SRBD1: variants seen among roughly 807,000 people sequenced by gnomAD.
The protein encoded by SRBD1 is S1 RNA-binding domain-containing protein 1.
In SRBD1, 88 loss-of-function variants were observed where a neutral mutation model predicts 115.3. That is an observed-to-expected ratio of 0.76 (90% confidence interval 0.64 to 0.91). The LOEUF is 0.91. SRBD1 is among the 40% of genes least tolerant of loss of function. SRBD1 has a pLI of 0.00. For synonymous variants in SRBD1, 509 were observed against 407.7 expected, an observed-to-expected ratio of 1.25 and a Z score of -2.99; for missense variants, 1,385 against 1,177.4, an observed-to-expected ratio of 1.18 and a Z score of -2.58.
At chr2:45,467,559 G>T (rs372364958) in intron 16 of SRBD1, among the ~76,000 whole-genome samples, 1 of 152,114 alleles carries the variant, frequency 6.6e-6, no homozygotes, top group Non-Finnish European at 1.5e-5. Context: ...TGTCTAAAAT[G>T]ACCATGGGGG....
chr2:45,546,494 T>C (rs1434837573), intron 14 of SRBD1: 1 of 408,284 alleles, frequency 2.4e-6, no homozygotes, highest in Non-Finnish European at 3.3e-6. Context: ...AACTGAGCCC[T>C]AACGTGCTGC....
intron 16 of SRBD1, among the ~76,000 whole-genome samples, chr2:45,430,826 G>A (rs1668310116): frequency 6.6e-6 from 1 of 152,134 alleles, no homozygotes; most frequent in Non-Finnish European, 1.5e-5. Flanking sequence ...CTTCTGCACA[G>A]GAAAAGAAAC....
At chr2:45,485,445 C>A (rs1366540253) in intron 15 of SRBD1, among the ~76,000 whole-genome samples, 2 of 152,114 alleles carry the variant, frequency 1.3e-5, no homozygotes, top group Non-Finnish European at 2.9e-5. Context: ...TCTATCATGT[C>A]ATTTTAATCA....
chr2:45,605,255 G>C (rs768268010), intron 2 of SRBD1, 107 bp downstream of exon 2: 41 of 1,103,758 alleles, frequency 3.7e-5, no homozygotes, highest in Non-Finnish European at 4.9e-5. Flanking sequence ...AATAAAAAAA[G>C]TTTTTTCTAC....
chr2:45,596,530 T>C (rs973534874), intron 4 of SRBD1, among the ~76,000 whole-genome samples: 6 of 152,236 alleles, frequency 3.9e-5, no homozygotes, highest in African/African-American at 7.2e-5. Flanking sequence ...TTCTCAGTAA[T>C]TTCTCAGTAA....
Position 45,602,036 on chromosome 2 carries a change from G to A in SRBD1, c.128C>T (p.Pro43Leu). The change falls in exon 3 of 21, where the codon CCC (proline) becomes CTC (leucine). Residue 43 changes from proline to leucine, a missense_variant. Physicochemically the swap from Pro to Leu is moderately conservative, Grantham distance 98. Transcript: ENST00000263736. The part of the protein sequence containing the change: ...EDDKEDSAWE[P>L]QKKVPRSRKQ... ...ACGGCTTCTGGGAACTTTCTTTTGG[G>A]GCTCCCAGGCACTATCTTCCTTGTC... 1.2e-6 allele frequency: 2 copies of A among 1,614,048 alleles called. No homozygotes were observed. Among genetic ancestry groups the A allele is most frequent in the South Asian group, 1.1e-5 (1 of 91,052 alleles).
At chr2:45,609,009 G>A (rs916856796) in intron 1 of SRBD1, among the ~76,000 whole-genome samples, 3 of 151,962 alleles carry the variant, frequency 2.0e-5, no homozygotes, top group Non-Finnish European at 2.9e-5. Context: ...GGTTCGTCAC[G>A]TTGGCCAGGC....
In SRBD1 at chr2:45,546,722, A is replaced by G. The variant is rs372758395; in HGVS notation, c.1874+10T>C. On this transcript the variant is annotated intron_variant, in intron 14 of 20. Coordinates refer to ENST00000263736, the MANE Select transcript of SRBD1 (RefSeq NM_018079.5). ...TTCTCCAAGAAAAGAGATATATGTA[A>G]TAGCCTTACCAGTAAACAACATCCA... 6.2e-7 allele frequency: 1 copy of G among 1,612,624 alleles called. No individual in the cohort carries two copies. Among genetic ancestry groups the G allele is most frequent in the Non-Finnish European group, 8.5e-7 (1 of 1,178,702 alleles).
intron 14 of SRBD1, among the ~76,000 whole-genome samples, chr2:45,511,403 A>G (rs1440464083): frequency 6.6e-6 from 1 of 152,230 alleles, no homozygotes; most frequent in African/African-American, 2.4e-5. Context: ...TTTATAATTT[A>G]TCCACAGAAG....
At chr2:45,527,101 G>C (rs1671466877) in intron 14 of SRBD1, among the ~76,000 whole-genome samples, 2 of 151,644 alleles carry the variant, frequency 1.3e-5, no homozygotes, top group African/African-American at 4.8e-5. Flanking sequence ...ATCTTCCATA[G>C]TCCTTATGGG....
intron 14 of SRBD1, among the ~76,000 whole-genome samples, chr2:45,489,636 G>A (rs1670232025): frequency 1.3e-5 from 2 of 152,062 alleles, no homozygotes; most frequent in Non-Finnish European, 2.9e-5. Context: ...TAACAGCTGA[G>A]TGCATATTAT....
chr2:45,496,170 A>ATGTTT (rs1287643669), intron 14 of SRBD1, among the ~76,000 whole-genome samples: 1 of 152,142 alleles, frequency 6.6e-6, no homozygotes, highest in Admixed American at 6.5e-5. Context: ...CACTGCTCCT[A>ATGTTT]TGTTTTGTTT....
At chr2:45,507,490 G>C (rs35086917) in intron 14 of SRBD1, among the ~76,000 whole-genome samples, 16,656 of 152,012 alleles carry the variant, frequency 0.11, 1,125 homozygotes, top group East Asian at 0.2. Flanking sequence ...GGCTGAGGCG[G>C]GTGTGGATCA....
At chr2:45,401,579 T>A (rs1445715077) in intron 19 of SRBD1, among the ~76,000 whole-genome samples, 1 of 152,238 alleles carries the variant, frequency 6.6e-6, no homozygotes, top group Non-Finnish European at 1.5e-5. Flanking sequence ...TACCTAATCA[T>A]CATTTATTGT....
chr2:45,409,867 A>G (rs1245938230), intron 19 of SRBD1, among the ~76,000 whole-genome samples: 1 of 152,202 alleles, frequency 6.6e-6, no homozygotes, highest in Non-Finnish European at 1.5e-5. Context: ...TGACCTAAAT[A>G]AATGCTGACA....
At chr2:45,547,929 T>C (rs1020486041) in intron 12 of SRBD1, among the ~76,000 whole-genome samples, 19 of 152,230 alleles carry the variant, frequency 1.2e-4, no homozygotes, top group African/African-American at 4.3e-4. Flanking sequence ...ATTGTTAGTA[T>C]ATGTCAGACA....
At chr2:45,444,938 CTT>C (rs950702631) in intron 16 of SRBD1, among the ~76,000 whole-genome samples, 2 of 152,188 alleles carry the variant, frequency 1.3e-5, no homozygotes, top group African/African-American at 4.8e-5. Context: ...TTCTTGAAAA[CTT>C]TGCCAGATGA....
At chr2:45,498,980 T>C (rs540168722) in intron 14 of SRBD1, among the ~76,000 whole-genome samples, 26 of 152,328 alleles carry the variant, frequency 1.7e-4, no homozygotes, top group African/African-American at 2.9e-4. Flanking sequence ...CTCTTCAATA[T>C]ACTGAGTTCC....
chr2:45,464,496 A>C (rs905076300), intron 16 of SRBD1, among the ~76,000 whole-genome samples: 1 of 152,232 alleles, frequency 6.6e-6, no homozygotes, highest in South Asian at 2.1e-4. Flanking sequence ...CCCTCATAAA[A>C]GGTCAATTAA....
Sources: allele counts gnomAD v4.1 joint callset (sites outside exome capture counted in the v4.1 genomes callset), GRCh38; gene constraint gnomAD v4.1.1; transcripts MANE v1.5; gene names NCBI Gene and HGNC (gene_info 2026-07-23, HGNC 2026-07-21).